GPATCH8: variants seen among roughly 807,000 people sequenced by gnomAD.
The protein encoded by GPATCH8 is G-patch domain containing 8.
Under a neutral mutation model 118.3 loss-of-function variants are expected in GPATCH8, and 18 were observed. The observed-to-expected ratio is 0.15, with a 90% CI of 0.11 to 0.23. The LOEUF (loss-of-function observed/expected upper bound fraction) is 0.23, where lower values mean the gene tolerates loss of function less well. GPATCH8 is among the 10% of genes least tolerant of loss of function. The probability of loss-of-function intolerance (pLI) is 1.00; values close to 1 mark genes in which losing one functional copy is unlikely to be tolerated. For missense variants in GPATCH8, 1,631 were observed against 1,873.8 expected (o/e 0.87, Z 2.39); for synonymous variants, 659 against 684.7 (o/e 0.96, Z 0.59).
At chr17:44,437,155 C>G (rs909626058) in intron 3 of GPATCH8, among the ~76,000 whole-genome samples, 2 of 152,052 alleles carry the variant, frequency 1.3e-5, no homozygotes, top group African/African-American at 4.8e-5. Context: ...ATTAGTTGCC[C>G]TTAGAGAAAA....
At chr17:44,425,073 C>T (rs2050043431) in intron 5 of GPATCH8, among the ~76,000 whole-genome samples, 1 of 152,088 alleles carries the variant, frequency 6.6e-6, no homozygotes. Context: ...GTCCAATTTG[C>T]CTCAGCAGTT....
rs577707825 is a variant in GPATCH8, at chr17:44,413,522, C to T, written c.493-7471G>A. Among the ~76,000 whole-genome samples, 6 of 152,196 alleles carry T rather than the reference C, an allele frequency of 3.9e-5. No individual in the cohort carries two copies. In the South Asian group the frequency reaches 1.0e-3, roughly 26 times the overall value. On this transcript the variant is annotated intron_variant, in intron 6 of 7. Coordinates refer to ENST00000591680, the MANE Select transcript of GPATCH8 (RefSeq NM_001002909.4). ...CTTGAGACAGAGTCTCACTCTGTAG[C>T]CCAGGCTGGAGTGCAGTGGCGCGAT... is the stretch of plus-strand genomic sequence containing the variant.
At chr17:44,424,774 TCTGAAAC>T (rs746577177) in intron 5 of GPATCH8, among the ~76,000 whole-genome samples, 1 of 152,138 alleles carries the variant, frequency 6.6e-6, no homozygotes, top group Non-Finnish European at 1.5e-5. Context: ...AAATCTGAAA[TCTGAAAC>T]ACCTTTGGTC....
chr17:44,482,433 G>T (rs571761484), intron 1 of GPATCH8, among the ~76,000 whole-genome samples: 40 of 151,812 alleles, frequency 2.6e-4, no homozygotes, highest in Non-Finnish European at 4.3e-4. Flanking sequence ...AATTAGCCGG[G>T]TGTGGTGGCG....
intron 3 of GPATCH8, among the ~76,000 whole-genome samples, chr17:44,447,619 CTTTTTTT>C (rs79158339): frequency 7.1e-6 from 1 of 141,602 alleles, no homozygotes; most frequent in Admixed American, 7.2e-5. Flanking sequence ...TTATCACCAC[CTTTTTTT>C]TTTTTTTTTT....
chr17:44,446,017 G>A (rs1446995285), intron 3 of GPATCH8: 2 of 151,974 alleles, frequency 1.3e-5, no homozygotes, highest in Non-Finnish European at 2.9e-5. Context: ...ATAGTTTACT[G>A]TAACACTGAA....
intron 6 of GPATCH8, among the ~76,000 whole-genome samples, chr17:44,417,806 T>C (rs964968436): frequency 6.3e-4 from 96 of 152,278 alleles, no homozygotes; most frequent in African/African-American, 2.3e-3. Flanking sequence ...CACAGCTAGT[T>C]GCAGAATGAG....
At position 44,397,714 on chromosome 17, in the gene GPATCH8, G is replaced by A; in HGVS notation, c.4363C>T (p.His1455Tyr). The change falls in exon 8 of 8, where the codon CAC becomes TAC. Residue 1455 changes from histidine to tyrosine, a missense_variant. Physicochemically the swap from His to Tyr is moderately conservative, Grantham distance 83. This residue lies in a region of GPATCH8 where 65 missense variants were observed against 105.3 expected (regional missense o/e 0.62). Transcript: ENST00000591680. Reference sequence around the variant, plus strand: ...TAGAGGGCAGCATGTGGGACAGGGTGAAAGGTGAAGGGCCCAGGATGGATG... The same window carrying A: ...TAGAGGGCAGCATGTGGGACAGGGTAAAAGGTGAAGGGCCCAGGATGGATG... ...SAIHPGPFTF[H>Y]PVPHAALYPT... The A allele has an allele frequency of 6.2e-7, 1 of 1,607,496 alleles. No individual in the cohort carries two copies. The highest frequency in any genetic ancestry group is 8.5e-7 in the Non-Finnish European group (1 of 1,175,908).
At chr17:44,429,649 A>AACACAC (rs144232073) in intron 5 of GPATCH8, among the ~76,000 whole-genome samples, 2,385 of 125,678 alleles carry the variant, frequency 0.019, 35 homozygotes, top group Middle Eastern at 0.046. Flanking sequence ...GTCTCTACTA[A>AACACAC]ACACACACAC....
intron 1 of GPATCH8, among the ~76,000 whole-genome samples, chr17:44,496,889 T>G (rs561625309): frequency 2.4e-4 from 37 of 152,216 alleles, no homozygotes; most frequent in Non-Finnish European, 4.6e-4. Flanking sequence ...TTAAGCACAT[T>G]TGCTTAGACC....
chr17:44,470,724 G>C (rs1470503653), intron 2 of GPATCH8, among the ~76,000 whole-genome samples: 1 of 151,860 alleles, frequency 6.6e-6, no homozygotes, highest in Non-Finnish European at 1.5e-5. Flanking sequence ...TGGTCAGGCT[G>C]TTCTCGAACT....
At position 44,400,017 on chromosome 17, in the gene GPATCH8, T is replaced by G; in HGVS notation, c.2060A>C (p.His687Pro). The G allele has an allele frequency of 1.9e-6, 3 of 1,614,114 alleles. No homozygotes were observed. Among genetic ancestry groups the G allele is most frequent in the Non-Finnish European group, 2.5e-6 (3 of 1,179,984 alleles). Residue 687 changes from histidine (H) to proline (P), a missense_variant, in exon 8 of 8, where the codon CAC (histidine) becomes CCC (proline). Transcript: ENST00000591680. Reference protein sequence around the residue: ...KKKKHKKSSKHKRKHKADTEE... With the variant: ...KKKKHKKSSKPKRKHKADTEE... ...TGTGTCAGCCTTGTGTTTACGTTTG[T>G]GTTTGCTGGATTTTTTGTGCTTCTT...
At chr17:44,430,770 G>A (rs1419907867) in intron 5 of GPATCH8, among the ~76,000 whole-genome samples, 1 of 150,588 alleles carries the variant, frequency 6.6e-6, no homozygotes, top group East Asian at 2.0e-4. Flanking sequence ...AGCCTCCTGA[G>A]TAGCTCGGAT....
chr17:44,398,002 T>C lies in GPATCH8; in HGVS notation c.4075A>G (p.Ile1359Val). 6.2e-7 allele frequency: 1 copy of C among 1,613,906 alleles called. No homozygotes were observed. Among genetic ancestry groups the C allele is most frequent in the South Asian group, 1.1e-5 (1 of 91,072 alleles). The change falls in exon 8 of 8, where the codon ATC (isoleucine) becomes GTC (valine). Residue 1359 changes from isoleucine (I) to valine (V), a missense_variant. Ile to Val is a conservative substitution (Grantham distance 29, BLOSUM62 3). Transcript: ENST00000591680. ...GCTGTAGCTGGCTGCTGAATGTGGA[T>C]GGGTTGCAGGGCTGGTGTGGCTGGG... is the stretch of plus-strand genomic sequence containing the variant. ...LAPATPALQPIHIQQPATASA... is the reference protein window; with the variant it reads ...LAPATPALQPVHIQQPATASA...
intron 3 of GPATCH8, among the ~76,000 whole-genome samples, chr17:44,440,448 C>T (rs1056096637): frequency 2.0e-5 from 3 of 152,184 alleles, no homozygotes; most frequent in African/African-American, 7.2e-5. Flanking sequence ...GAGACAGGGT[C>T]GCTGAGGCTG....
At chr17:44,455,630 T>A (rs902824571) in intron 3 of GPATCH8, among the ~76,000 whole-genome samples, 3 of 152,170 alleles carry the variant, frequency 2.0e-5, no homozygotes, top group Non-Finnish European at 4.4e-5. Context: ...CATTATTTCC[T>A]TTTTATAAAG....
intron 3 of GPATCH8, among the ~76,000 whole-genome samples, chr17:44,444,137 T>C (rs1041060422): frequency 3.3e-5 from 5 of 152,092 alleles, no homozygotes; most frequent in Admixed American, 6.6e-5. Context: ...AAGGCTTTAG[T>C]GAAAGTGTTG....
At chr17:44,499,182 G>C (rs1421889329) in intron 1 of GPATCH8, among the ~76,000 whole-genome samples, 9 of 151,800 alleles carry the variant, frequency 5.9e-5, no homozygotes, top group Admixed American at 1.3e-4. Flanking sequence ...ATAAAATGCA[G>C]AGGGCCAGGC....
rs190897393 is a variant in GPATCH8, at chr17:44,421,556, G to T, written c.492+2793C>A. Among the ~76,000 whole-genome samples the T allele has an allele frequency of 5.0e-3, 757 of 151,800 alleles. 4 individuals carry two copies. Among genetic ancestry groups the T allele is most frequent in the Non-Finnish European group, 7.7e-3 (523 of 67,908 alleles). On this transcript the variant is annotated intron_variant, in intron 6 of 7. Transcript: ENST00000591680. ...AATTTTTGTATTTTCAATGGAGATGGGGTTTCGCCATGTTGGCCAGGCTGG... is the reference window on the plus strand; with the variant it reads ...AATTTTTGTATTTTCAATGGAGATGTGGTTTCGCCATGTTGGCCAGGCTGG...
Sources: allele counts gnomAD v4.1 joint callset (sites outside exome capture counted in the v4.1 genomes callset), GRCh38; gene constraint gnomAD v4.1.1; regional missense constraint gnomAD v4.1.1; transcripts MANE v1.5; gene names NCBI Gene and HGNC (gene_info 2026-07-23, HGNC 2026-07-21).